Variants in TOP3A observed in about 807,000 individuals in gnomAD.
TOP3A encodes the protein DNA topoisomerase 3-alpha.
TOP3A carries 64 observed loss-of-function variants against 111.3 expected under a neutral mutation model. That is an observed-to-expected ratio of 0.57 (90% CI 0.47 to 0.71). The LOEUF is 0.71. Ranked by LOEUF, TOP3A falls within the 30% of genes least tolerant of loss-of-function variation. The probability of loss-of-function intolerance (pLI) is 0.00; values close to 1 mark genes in which losing one functional copy is unlikely to be tolerated. For missense variants in TOP3A, 1,104 were observed against 1,285.0 expected (o/e 0.86, Z 2.15); for synonymous variants, 484 against 485.1 (o/e 1.00, Z 0.03).
chr17:18,299,701 A>T, intron 8 of TOP3A, 68 bp from the exon 9 acceptor site: 1 of 1,425,122 alleles, frequency 7.0e-7, no homozygotes, highest in Non-Finnish European at 9.9e-7. Context: ...TCCTATGGAT[A>T]GCCCATGCCA....
intron 15 of TOP3A, among the ~76,000 whole-genome samples, 174 bp downstream of exon 15, chr17:18,284,968 T>C (rs765337841): frequency 4.6e-5 from 7 of 152,112 alleles, no homozygotes; most frequent in Non-Finnish European, 8.8e-5. Context: ...AGGAGGCCAC[T>C]GGTGAGGATG....
At position 18,290,884 on chromosome 17, in the gene TOP3A, T is replaced by C. The variant is rs1437146768; in HGVS notation, c.1425A>G (p.Arg475=). 2 of 1,614,236 alleles carry C rather than the reference T, an allele frequency of 1.2e-6. No individual in the cohort carries two copies. Among genetic ancestry groups the C allele is most frequent in the East Asian group, 4.5e-5 (2 of 44,892 alleles). ...CATATGGATACACATCCAGATAGTTTCGGGCCAGAATCATGAGGCCATGGG... is the reference window on the plus strand; with the variant it reads ...CATATGGATACACATCCAGATAGTTCCGGGCCAGAATCATGAGGCCATGGG... ...FVAHGLMILA[R]NYLDVYPYDH... The change falls in exon 12 of 19, where the codon CGA becomes CGG. Residue 475 remains arginine (R), a synonymous_variant. Transcript: ENST00000321105.
intron 13 of TOP3A, among the ~76,000 whole-genome samples, chr17:18,290,183 A>G (rs1200955088): frequency 6.6e-6 from 1 of 152,220 alleles, no homozygotes; most frequent in Non-Finnish European, 1.5e-5. Flanking sequence ...AGATTTTATG[A>G]TAACTGTCCC....
At chr17:18,308,522 T>A (rs1981723378) in intron 2 of TOP3A, 98 bp from the exon 3 acceptor site, 1 of 822,086 alleles carries the variant, frequency 1.2e-6, no homozygotes, top group African/African-American at 1.7e-5. Context: ...TTAAAGACAT[T>A]TTTAAAAACC....
rs377518591 is a variant in TOP3A at position 18,288,150 on chromosome 17, A to T, written c.1597+2407T>A. Among the ~76,000 whole-genome samples the T allele has an allele frequency of 7.2e-3, 566 of 78,252 alleles. 6 individuals carry two copies. Among genetic ancestry groups the T allele is most frequent in the African/African-American group, 0.025 (507 of 20,394 alleles). 51.3% of individuals were successfully genotyped at this position (78,252 alleles called of 152,430 possible). Reference sequence around the variant, plus strand: ...TAATAATTATATATATATATATATAAATTTTTTTTTTTTTTTTTTTTAGAT... The same window carrying T: ...TAATAATTATATATATATATATATATATTTTTTTTTTTTTTTTTTTTAGAT... On this transcript the variant is annotated intron_variant, in intron 13 of 18. Transcript: ENST00000321105.
At chr17:18,280,361 C>G (rs1339943214) in intron 17 of TOP3A, 175 bp downstream of exon 17, 9 of 627,324 alleles carry the variant, frequency 1.4e-5, no homozygotes, top group Non-Finnish European at 2.1e-5. Context: ...GCAGTGACAG[C>G]ATGGAACACA....
chr17:18,295,355 C>A (rs1456923561), intron 9 of TOP3A, among the ~76,000 whole-genome samples: 4 of 152,076 alleles, frequency 2.6e-5, no homozygotes, highest in African/African-American at 9.7e-5. Flanking sequence ...GCCATGCTGG[C>A]CTGGCTGGTC....
At chr17:18,308,802 C>T (rs1981740963) in intron 2 of TOP3A, 80 bp downstream of exon 2, 11 of 895,540 alleles carry the variant, frequency 1.2e-5, no homozygotes, top group South Asian at 3.8e-5. Flanking sequence ...CTTAAGACAG[C>T]GACATATTCT....
intron 10 of TOP3A, among the ~76,000 whole-genome samples, chr17:18,293,212 C>T (rs1462009396): frequency 3.3e-5 from 5 of 152,244 alleles, no homozygotes; most frequent in African/African-American, 1.2e-4. Flanking sequence ...GTTCCACCAG[C>T]GTGTGCTTCA....
chr17:18,284,157 G>A (rs1046906591), intron 15 of TOP3A, among the ~76,000 whole-genome samples: 4 of 150,638 alleles, frequency 2.7e-5, no homozygotes, highest in Admixed American at 1.3e-4. Flanking sequence ...GCACCACCAT[G>A]CCTGGCTAAT....
intron 13 of TOP3A, among the ~76,000 whole-genome samples, chr17:18,285,920 C>G (rs1168240088): frequency 6.6e-6 from 1 of 152,230 alleles, no homozygotes; most frequent in Non-Finnish European, 1.5e-5. Context: ...GCAGTGAAGG[C>G]TGGGAGCAGT....
chr17:18,287,688 T>C (rs541933535), intron 13 of TOP3A, among the ~76,000 whole-genome samples: 1 of 151,776 alleles, frequency 6.6e-6, no homozygotes, highest in Admixed American at 6.6e-5. Context: ...TAAGATGCTA[T>C]CTCTCCAAAA....
At chr17:18,280,419 A>G in intron 17 of TOP3A, 117 bp downstream of exon 17, 1 of 1,199,914 alleles carries the variant, frequency 8.3e-7, no homozygotes, top group Non-Finnish European at 1.2e-6. Flanking sequence ...GAACACAGCT[A>G]CGCCCCTGCA....
chr17:18,285,058 G>A, intron 15 of TOP3A, 84 bp downstream of exon 15: 2 of 1,504,764 alleles, frequency 1.3e-6, no homozygotes, highest in Non-Finnish European at 1.8e-6. Context: ...GGAGGCTGAG[G>A]TGGGAAGATC....
rs185285113 is a variant in TOP3A at position 18,311,416 on chromosome 17, C to T, written c.181-2475G>A. ...TGAAGCGATTCTCCTGCCTCAGCCTCGTGAGTAGCTGGGATTACAGGACCC... is the reference window on the plus strand; with the variant it reads ...TGAAGCGATTCTCCTGCCTCAGCCTTGTGAGTAGCTGGGATTACAGGACCC... On this transcript the variant is annotated intron_variant, in intron 1 of 18. Transcript: ENST00000321105. Among the ~76,000 whole-genome samples, 260 of 152,260 alleles carry T rather than the reference C, an allele frequency of 1.7e-3. 1 individual carries two copies. Among genetic ancestry groups the T allele is most frequent in the African/African-American group, 6.1e-3 (255 of 41,538 alleles).
chr17:18,291,117 C>G, intron 11 of TOP3A, 90 bp from the exon 12 acceptor site: 1 of 1,346,794 alleles, frequency 7.4e-7, no homozygotes, highest in Non-Finnish European at 1.0e-6. Context: ...TAATGTCCTG[C>G]ACAGAAGAGG....
intron 8 of TOP3A, among the ~76,000 whole-genome samples, 171 bp downstream of exon 8, chr17:18,301,714 T>C (rs1981237095): frequency 6.6e-6 from 1 of 152,266 alleles, no homozygotes; most frequent in Non-Finnish European, 1.5e-5. Flanking sequence ...TCCCTTTTCC[T>C]TTTAGTGCTG....
In TOP3A at chr17:18,290,624, C is replaced by T. The variant is rs761910467; in HGVS notation, c.1530G>A (p.Gly510=). The T allele has an allele frequency of 6.2e-7, 1 of 1,611,782 alleles. No individual in the cohort carries two copies. The change falls in exon 13 of 19, where the codon GGG becomes GGA. Residue 510 remains glycine, a synonymous_variant. Coordinates refer to ENST00000321105, the MANE Select transcript of TOP3A (RefSeq NM_004618.5). The part of the protein sequence containing the change: ...FQPSTVEMVD[G]ETSPPKLLTE... ...TGAGCAGCTTGGGTGGGCTGGTCTCCCCGTCCACCATCTCCACGGTGCTGG... is the reference window on the plus strand; with the variant it reads ...TGAGCAGCTTGGGTGGGCTGGTCTCTCCGTCCACCATCTCCACGGTGCTGG...
rs753108452 is a variant in TOP3A at position 18,290,976 on chromosome 17, A to G, written c.1333T>C (p.Cys445Arg). ...TCCTGCCCCTGAGCATCCTGGGAGC[A>G]GCAAGCCAGGAAATGGCGAACAATA... ...EFIVRHFLAC[C>R]SQDAQGQETT... is the part of the protein sequence containing the mutation. Residue 445 changes from cysteine to arginine, a missense_variant, in exon 12 of 19, where the codon TGC becomes CGC. Physicochemically the swap from Cys to Arg is radical, Grantham distance 180 (BLOSUM62 -3). Transcript: ENST00000321105. The G allele has an allele frequency of 6.2e-7, 1 of 1,614,258 alleles. No individual in the cohort carries two copies. Among genetic ancestry groups the G allele is most frequent in the Non-Finnish European group, 8.5e-7 (1 of 1,180,050 alleles).
Sources: gnomAD v4.1 joint callset for allele counts (sites outside exome capture counted in the v4.1 genomes callset) on GRCh38, gnomAD v4.1.1 for gene constraint, MANE v1.5 for transcripts, NCBI Gene and HGNC (gene_info 2026-07-23, HGNC 2026-07-21) for gene names.